Variants in M1AP observed in about 807,000 individuals in gnomAD.
M1AP encodes meiosis 1 associated protein, also known as meiosis 1 arrest protein.
In M1AP, 39 loss-of-function variants were observed where a neutral mutation model predicts 51.2. The ratio of observed to expected loss-of-function variants is 0.76; its 90% CI spans 0.59 to 1.00. The LOEUF is 1.00. Among genes scored for constraint, M1AP ranks in the 50% least tolerant of loss-of-function variants. The pLI is 0.00. For synonymous variants in M1AP, 251 were observed against 249.2 expected (o/e 1.01, Z -0.07); for missense variants, 545 against 641.2 (o/e 0.85, Z 1.62).
intron 4 of M1AP, among the ~76,000 whole-genome samples, chr2:74,589,613 T>C (rs2104624860): frequency 6.6e-6 from 1 of 152,310 alleles, no homozygotes; most frequent in East Asian, 1.9e-4. Context: ...TGCTTTCCTG[T>C]TGTGTGGTGC....
chr2:74,561,154 A>G (rs868848881), intron 8 of M1AP, among the ~76,000 whole-genome samples: 1,688 of 12,692 alleles, frequency 0.13, no homozygotes, highest in Non-Finnish European at 0.2. Flanking sequence ...GGAGGAGGAG[A>G]AGGAGGAGGA....
At position 74,607,192 on chromosome 2, in the gene M1AP, T is replaced by C. The variant is rs777026912; in HGVS notation, c.458A>G (p.Glu153Gly). Residue 153 changes from glutamate (E) to glycine (G), a missense_variant, in exon 4 of 11, where the codon GAG becomes GGG. By Grantham distance (98) the Glu-to-Gly change is moderately conservative (BLOSUM62 -2). Transcript: ENST00000421985. The stretch of plus-strand genomic sequence containing the variant: ...CCCTTCCTCCAACTGTTTGACCACC[T>C]CTTTTCCAGGCTGAGAAGTCAGAAT... ...ITILTSQPGK[E>G]VVKQLEEGLK... is the part of the protein sequence containing the mutation. 2 of 1,614,142 alleles carry C rather than the reference T, an allele frequency of 1.2e-6. No homozygotes were observed. Among genetic ancestry groups the C allele is most frequent in the South Asian group, 2.2e-5 (2 of 91,084 alleles).
chr2:74,630,601 T>C (rs770770989), intron 2 of M1AP, among the ~76,000 whole-genome samples: 3 of 152,138 alleles, frequency 2.0e-5, no homozygotes, highest in Non-Finnish European at 4.4e-5. Context: ...TCTGTTCCTG[T>C]GTTAGTTTGC....
chr2:74,560,165 G>A lies in M1AP; in HGVS notation c.1408C>T (p.Arg470Ter), dbSNP rs146997100. 1.2e-4 allele frequency: 189 copies of A among 1,613,842 alleles called. No homozygotes were observed. The African/African-American group carries it at 1.8e-3, about 15-fold the overall frequency. Residue 470 changes from arginine (R) to a stop codon, truncating the protein, a stop_gained, in exon 9 of 11, where the codon CGA becomes TGA. Coordinates refer to ENST00000421985, the MANE Select transcript of M1AP (RefSeq NM_001321739.2). LOFTEE classifies it low-confidence loss of function (END_TRUNC). Reference protein sequence around the residue: ...QGRLHPHWESRAPRKHPCKTG... With the variant: ...QGRLHPHWES ...GGGAGCGGTACCTTTCTCGGAGCTC[G>A]GCTCTCCCAGTGTGGGTGGAGCCGC...
chr2:74,618,812 C>A (rs753873149), intron 2 of M1AP: 1 of 339,304 alleles, frequency 2.9e-6, no homozygotes, highest in Non-Finnish European at 5.9e-6. Context: ...CCCTCGTGTG[C>A]TGAGCCTCCC....
rs116837793 is a variant in M1AP at position 74,600,590 on chromosome 2, G to A, written c.595+6465C>T. 9.9e-3 allele frequency among the ~76,000 whole-genome samples: 1,510 copies of A among 152,238 alleles called. 30 individuals are homozygous for A. The highest frequency in any genetic ancestry group is 0.034 in the African/African-American group (1,430 of 41,538). On this transcript the variant is annotated intron_variant, in intron 4 of 10. Transcript: ENST00000421985. ...GCATTTAAGGACAAAGAAAGCATCT[G>A]GCTTTCCCTGTGAGAGGTATGTATC... is the stretch of plus-strand genomic sequence containing the variant.
intron 2 of M1AP, among the ~76,000 whole-genome samples, chr2:74,625,893 C>T (rs1318636129): frequency 1.3e-5 from 2 of 152,202 alleles, no homozygotes; most frequent in Non-Finnish European, 2.9e-5. Context: ...TCTCCTGTGG[C>T]CATCTCAATG....
chr2:74,594,939 A>C (rs1358421442), intron 4 of M1AP, among the ~76,000 whole-genome samples: 1 of 152,196 alleles, frequency 6.6e-6, no homozygotes, highest in Non-Finnish European at 1.5e-5. Flanking sequence ...AAATAGGATG[A>C]ATTAGAAGAA....
At chr2:74,559,001 G>T in intron 10 of M1AP, 127 bp from the exon 11 acceptor site, 2 of 902,960 alleles carry the variant, frequency 2.2e-6, no homozygotes, top group South Asian at 2.1e-5. Context: ...CCTCAAGGCC[G>T]AGGACAGTGA....
At chr2:74,642,315 A>G (rs1683344076) in intron 1 of M1AP, among the ~76,000 whole-genome samples, 1 of 152,192 alleles carries the variant, frequency 6.6e-6, no homozygotes. Context: ...TATCCCAAGA[A>G]CATAAGGTTG....
At chr2:74,578,697 C>T (rs1395466290) in intron 5 of M1AP, among the ~76,000 whole-genome samples, 1 of 152,070 alleles carries the variant, frequency 6.6e-6, no homozygotes, top group Non-Finnish European at 1.5e-5. Context: ...CAGAGGAACG[C>T]CTTTCTAAGG....
chr2:74,646,453 G>A (rs921143129), intron 1 of M1AP, among the ~76,000 whole-genome samples: 1 of 152,138 alleles, frequency 6.6e-6, no homozygotes, highest in Non-Finnish European at 1.5e-5. Context: ...ACATACTTGA[G>A]GAAAGTCATT....
chr2:74,563,000 T>C (rs998267101), intron 7 of M1AP, among the ~76,000 whole-genome samples: 2 of 152,088 alleles, frequency 1.3e-5, no homozygotes, highest in Admixed American at 6.5e-5. Context: ...AGTTCTTCTT[T>C]TGAGGGTAAT....
At chr2:74,593,922 C>T (rs1237892507) in intron 4 of M1AP, among the ~76,000 whole-genome samples, 3 of 152,148 alleles carry the variant, frequency 2.0e-5, no homozygotes, top group Admixed American at 6.5e-5. Context: ...CAACCAGGAC[C>T]TCCAGAGAGT....
intron 4 of M1AP, among the ~76,000 whole-genome samples, chr2:74,598,974 C>T (rs1680516878): frequency 6.6e-6 from 1 of 151,804 alleles, no homozygotes; most frequent in African/African-American, 2.4e-5. Flanking sequence ...TGTAGTTATA[C>T]TTATCAATCT....
chr2:74,606,601 C>CATATAT (rs147796011), intron 4 of M1AP, among the ~76,000 whole-genome samples: 4 of 148,162 alleles, frequency 2.7e-5, no homozygotes, highest in South Asian at 2.1e-4. Context: ...TGTGTGTGTG[C>CATATAT]ATATATATAT....
chr2:74,628,062 C>A (rs116141776), intron 2 of M1AP, among the ~76,000 whole-genome samples: 1 of 152,122 alleles, frequency 6.6e-6, no homozygotes, highest in Non-Finnish European at 1.5e-5. Context: ...CATGACCATG[C>A]GCATACCTAT....
At chr2:74,594,184 A>C (rs1435123987) in intron 4 of M1AP, among the ~76,000 whole-genome samples, 1 of 152,214 alleles carries the variant, frequency 6.6e-6, no homozygotes, top group East Asian at 1.9e-4. Flanking sequence ...GAGCAATATA[A>C]TAGAATCCAG....
chr2:74,632,613 T>C (rs1048660637), intron 2 of M1AP, among the ~76,000 whole-genome samples: 1 of 152,202 alleles, frequency 6.6e-6, no homozygotes, highest in East Asian at 1.9e-4. Context: ...TCTGCACTTA[T>C]CTTCAACCAG....
Sources: allele counts gnomAD v4.1 joint callset (sites outside exome capture counted in the v4.1 genomes callset), GRCh38; gene constraint gnomAD v4.1.1; transcripts MANE v1.5; gene names NCBI Gene and HGNC (gene_info 2026-07-23, HGNC 2026-07-21).